The following RAB33B variants were observed in gnomAD, a reference collection of about 807,000 sequenced individuals.
RAB33B encodes the protein ras-related protein Rab-33B.
Under a neutral mutation model 15.0 loss-of-function variants are expected in RAB33B, and 6 were observed. That is an observed-to-expected ratio of 0.40 (90% CI 0.22 to 0.79). The LOEUF is 0.79. RAB33B is among the 30% of genes least tolerant of loss of function. RAB33B has a pLI of 0.37. For missense variants in RAB33B, 257 were observed against 296.4 expected, an observed-to-expected ratio of 0.87 and a Z score of 0.98; for synonymous variants, 117 against 108.3, an observed-to-expected ratio of 1.08 and a Z score of -0.50.
the RAB33B span, among the ~76,000 whole-genome samples, chr4:139,445,284 A>G: frequency 6.6e-6 from 1 of 152,236 alleles, no homozygotes; most frequent in African/African-American, 2.4e-5. Flanking sequence ...TCTGTGGTAT[A>G]TCAACTCTCT....
At chr4:139,439,242 C>T in the RAB33B span, among the ~76,000 whole-genome samples, 52 of 152,244 alleles carry the variant, frequency 3.4e-4, no homozygotes, top group South Asian at 1.4e-3. Flanking sequence ...CCTCGTGATC[C>T]GCCCGCCTCG....
chr4:139,470,322 G>A (rs1387210097), intron 1 of RAB33B, among the ~76,000 whole-genome samples: 1 of 152,146 alleles, frequency 6.6e-6, no homozygotes, highest in Non-Finnish European at 1.5e-5. Context: ...CTTCCCACTT[G>A]TAGCCATTGC....
the RAB33B span, among the ~76,000 whole-genome samples, chr4:139,439,235 C>T: frequency 2.0e-5 from 3 of 152,242 alleles, no homozygotes; most frequent in South Asian, 2.1e-4. Flanking sequence ...CTCCTGACCT[C>T]GTGATCCGCC....
the RAB33B span, among the ~76,000 whole-genome samples, chr4:139,442,822 T>C: frequency 6.6e-6 from 1 of 152,226 alleles, no homozygotes; most frequent in African/African-American, 2.4e-5. Flanking sequence ...TCTTTCCCTC[T>C]AGAGAAACCT....
intron 1 of RAB33B, among the ~76,000 whole-genome samples, chr4:139,455,261 TA>T (rs1398040366): frequency 1.3e-5 from 2 of 152,204 alleles, no homozygotes; most frequent in Admixed American, 6.5e-5. Context: ...CTTGATGGTA[TA>T]AACCTTAGAC....
upstream of RAB33B, chr4:139,453,960 G>A (rs1273664771): frequency 1.5e-5 from 6 of 399,886 alleles, no homozygotes; most frequent in Non-Finnish European, 2.6e-5. Context: ...CCCGAGTGAC[G>A]CCTGGCGTGT....
Position 139,474,647 on chromosome 4 carries a change from A to C in RAB33B, c.*1521A>C, listed in dbSNP as rs111256902. ...CCCTCCTCAGTATGAAAAATAAATT[A>C]GATATTGAAAAATGTCTAAACTTCA... On this transcript the variant is annotated 3_prime_UTR_variant, in exon 2 of 2. Transcript: ENST00000305626. 1 of 152,682 alleles carries C rather than the reference A, an allele frequency of 6.5e-6. No individual in the cohort carries two copies. The highest frequency in any genetic ancestry group is 2.4e-5 in the African/African-American group (1 of 41,472). The allele number at this position is 152,682 out of a possible 1,614,324, so 9.5% of individuals were successfully genotyped here.
At chr4:139,471,588 A>G (rs1750394125) in intron 1 of RAB33B, among the ~76,000 whole-genome samples, 1 of 140,406 alleles carries the variant, frequency 7.1e-6, no homozygotes, top group African/African-American at 2.7e-5. Context: ...GCAGTTGGGG[A>G]CATGATAGGT....
At chr4:139,466,806 C>T (rs1293239097) in intron 1 of RAB33B, among the ~76,000 whole-genome samples, 1 of 151,842 alleles carries the variant, frequency 6.6e-6, no homozygotes, top group African/African-American at 2.4e-5. Context: ...TCTTGAACTC[C>T]TGAGCTCAGA....
rs1328468056 is a variant in RAB33B, at chr4:139,461,903, CAAA to C, written c.249+7470_249+7472del. Among the ~76,000 whole-genome samples the C allele has an allele frequency of 2.2e-5, 3 of 138,692 alleles. No individual in the cohort carries two copies. The South Asian group carries it at 6.8e-4, about 31-fold the overall frequency. The allele number at this position is 138,692 out of a possible 152,430, so 91.0% of individuals were successfully genotyped here. ...TGGGTGACAGAGCAAGCCTCCATCT[CAAA>C]AAAAAAAAAATTTCATATATACGTA... On this transcript the variant is annotated intron_variant, in intron 1 of 1. Transcript: ENST00000305626.
intron 1 of RAB33B, among the ~76,000 whole-genome samples, chr4:139,463,545 C>T (rs1275871584): frequency 6.6e-6 from 1 of 152,232 alleles, no homozygotes; most frequent in African/African-American, 2.4e-5. Context: ...GGAAAAATTT[C>T]TCTGAAAATA....
chr4:139,447,829 G>A, the RAB33B span, among the ~76,000 whole-genome samples: 1 of 151,762 alleles, frequency 6.6e-6, no homozygotes, highest in African/African-American at 2.4e-5. Context: ...ACTACGCCCG[G>A]CTAATTTTTT....
the RAB33B span, among the ~76,000 whole-genome samples, chr4:139,440,945 C>A: frequency 6.6e-6 from 1 of 152,106 alleles, no homozygotes; most frequent in East Asian, 1.9e-4. Context: ...AAACAACATG[C>A]ATTTATTTGG....
intron 1 of RAB33B, among the ~76,000 whole-genome samples, chr4:139,458,878 GT>G (rs1318330441): frequency 6.6e-6 from 1 of 152,186 alleles, no homozygotes; most frequent in African/African-American, 2.4e-5. Context: ...CACCAGCAGT[GT>G]ATAAGTGTTG....
chr4:139,439,315 G>C, the RAB33B span, among the ~76,000 whole-genome samples: 1 of 152,154 alleles, frequency 6.6e-6, no homozygotes, highest in African/African-American at 2.4e-5. Context: ...TGGAATTCTT[G>C]ATTGATAGAC....
chr4:139,438,602 T>A, the RAB33B span, among the ~76,000 whole-genome samples: 795 of 152,236 alleles, frequency 5.2e-3, 4 homozygotes, highest in African/African-American at 0.018. Flanking sequence ...CTGCCTTTTT[T>A]TTTTGGTCTG....
intron 1 of RAB33B, among the ~76,000 whole-genome samples, chr4:139,458,884 GTGT>G (rs1447829657): frequency 6.6e-6 from 1 of 152,190 alleles, no homozygotes; most frequent in Non-Finnish European, 1.5e-5. Flanking sequence ...CAGTGTATAA[GTGT>G]TGTCTTTTCT....
the RAB33B span, among the ~76,000 whole-genome samples, chr4:139,440,660 TG>T: frequency 6.6e-6 from 1 of 151,694 alleles, no homozygotes; most frequent in Admixed American, 6.6e-5. Flanking sequence ...TTACCTAGGC[TG>T]GAGTGCAGTG....
chr4:139,461,173 T>TGGGC (rs1750164647), intron 1 of RAB33B, among the ~76,000 whole-genome samples: 1 of 152,192 alleles, frequency 6.6e-6, no homozygotes, highest in African/African-American at 2.4e-5. Context: ...ATTCCTAAAC[T>TGGGC]ATGGTAGTGA....
Sources: gnomAD v4.1 joint callset for allele counts (sites outside exome capture counted in the v4.1 genomes callset) on GRCh38, gnomAD v4.1.1 for gene constraint, MANE v1.5 for transcripts, NCBI Gene and HGNC (gene_info 2026-07-23, HGNC 2026-07-21) for gene names.